The following MALRD1 variants were observed in gnomAD, a reference collection of about 807,000 sequenced individuals.
MALRD1 encodes MAM and LDL-receptor class A domain-containing protein 1.
Under a neutral mutation model 242.1 loss-of-function variants are expected in MALRD1, and 247 were observed. The ratio of observed to expected loss-of-function variants is 1.02; its 90% CI spans 0.92 to 1.13. The LOEUF is 1.13. Among genes scored for constraint, MALRD1 ranks in the 50% most tolerant of loss-of-function variants. MALRD1 has a pLI of 0.00. For synonymous variants in MALRD1, 995 were observed against 866.6 expected, an observed-to-expected ratio of 1.15 and a Z score of -2.60; for missense variants, 2,989 against 2,533.1, an observed-to-expected ratio of 1.18 and a Z score of -3.86.
chr10:19,570,199 A>G (rs563067217), intron 33 of MALRD1, among the ~76,000 whole-genome samples: 55 of 152,144 alleles, frequency 3.6e-4, no homozygotes, highest in African/African-American at 1.3e-3. Flanking sequence ...TCCAAAATCC[A>G]GAGTCTTAAG....
intron 38 of MALRD1, among the ~76,000 whole-genome samples, chr10:19,723,321 C>T (rs889592130): frequency 3.3e-5 from 5 of 152,108 alleles, no homozygotes; most frequent in Non-Finnish European, 5.9e-5. Context: ...TTCATACTTT[C>T]GAGTGGACAG....
intron 28 of MALRD1, among the ~76,000 whole-genome samples, chr10:19,447,504 A>G (rs1417445180): frequency 6.6e-6 from 1 of 152,134 alleles, no homozygotes; most frequent in East Asian, 1.9e-4. Context: ...TTTTTTTACT[A>G]GAAGACAAGT....
chr10:19,609,224 A>G (rs554157607), intron 35 of MALRD1, among the ~76,000 whole-genome samples: 90 of 152,186 alleles, frequency 5.9e-4, no homozygotes, highest in Non-Finnish European at 9.6e-4. Context: ...CTCACCAGTC[A>G]TGTTTACAGT....
At chr10:19,105,092 A>G (rs1469752988) in intron 5 of MALRD1, among the ~76,000 whole-genome samples, 2 of 151,984 alleles carry the variant, frequency 1.3e-5, no homozygotes, top group Non-Finnish European at 2.9e-5. Flanking sequence ...ATACTGTGTA[A>G]TAGAAAACCA....
chr10:19,574,666 A>G (rs1836719836), intron 33 of MALRD1, among the ~76,000 whole-genome samples: 1 of 151,848 alleles, frequency 6.6e-6, no homozygotes, highest in Non-Finnish European at 1.5e-5. Context: ...AATCATTTAA[A>G]CTCTCTAGAC....
In MALRD1 at chr10:19,258,767, C is replaced by T. The variant is rs11812272; in HGVS notation, c.3079+996C>T. 8.9e-3 allele frequency among the ~76,000 whole-genome samples: 1,355 copies of T among 152,170 alleles called. 24 individuals are homozygous for T. The highest frequency in any genetic ancestry group is 0.031 in the African/African-American group (1,291 of 41,506). On this transcript the variant is annotated intron_variant, in intron 19 of 39. Transcript: ENST00000454679. The stretch of plus-strand genomic sequence containing the variant: ...TCTGGAGACAGCTGAATCCCTCTCT[C>T]GAAGGCTAGTAAAACAAGAGGCAGA...
intron 18 of MALRD1, among the ~76,000 whole-genome samples, chr10:19,253,227 C>T (rs1839370456): frequency 6.6e-6 from 1 of 151,740 alleles, no homozygotes; most frequent in African/African-American, 2.4e-5. Flanking sequence ...AAGTGGATAG[C>T]AACAGAAAAT....
chr10:19,482,340 A>C (rs1264994248), intron 29 of MALRD1, among the ~76,000 whole-genome samples: 3 of 152,076 alleles, frequency 2.0e-5, no homozygotes, highest in Non-Finnish European at 4.4e-5. Context: ...AAGATAGATG[A>C]CAAGGAAAAT....
chr10:19,403,018 CATTT>C (rs572271132), intron 28 of MALRD1, among the ~76,000 whole-genome samples: 110 of 151,940 alleles, frequency 7.2e-4, no homozygotes, highest in Middle Eastern at 6.8e-3. Flanking sequence ...AAAAATAAGA[CATTT>C]ATAGTGCTTA....
chr10:19,645,898 A>G (rs1240010447), intron 36 of MALRD1, among the ~76,000 whole-genome samples: 1 of 152,120 alleles, frequency 6.6e-6, no homozygotes, highest in Non-Finnish European at 1.5e-5. Flanking sequence ...AAAGAAATGG[A>G]TAGGAGTCAA....
chr10:19,130,893 C>G (rs1426952702), intron 8 of MALRD1, among the ~76,000 whole-genome samples: 1 of 151,968 alleles, frequency 6.6e-6, no homozygotes, highest in Non-Finnish European at 1.5e-5. Flanking sequence ...ATCATTAACT[C>G]TATTAATCAG....
Position 19,734,276 on chromosome 10 carries a change from C to T in MALRD1, c.*39C>T, listed in dbSNP as rs1564578967. ...AAGTCTGATCCAACATGTGTAGTTT[C>T]TAGAAAATTGAAGTCTCCACAATCT... is the stretch of plus-strand genomic sequence containing the variant. On this transcript the variant is annotated 3_prime_UTR_variant, in exon 40 of 40. Coordinates refer to ENST00000454679, the MANE Select transcript of MALRD1 (RefSeq NM_001142308.3). 2.0e-6 allele frequency: 3 copies of T among 1,492,606 alleles called. No individual in the cohort carries two copies. The highest frequency in any genetic ancestry group is 2.7e-6 in the Non-Finnish European group (3 of 1,109,192). The allele number at this position is 1,492,606 out of a possible 1,614,324, so 92.5% of individuals were successfully genotyped here.
At chr10:19,655,410 AATGTAATT>A (rs527389375) in intron 36 of MALRD1, among the ~76,000 whole-genome samples, 8 of 151,470 alleles carry the variant, frequency 5.3e-5, no homozygotes, top group African/African-American at 1.9e-4. Context: ...TACTTTCTTC[AATGTAATT>A]ATTGTTGATT....
At chr10:19,058,167 G>A (rs1446655849) in intron 1 of MALRD1, among the ~76,000 whole-genome samples, 2 of 152,120 alleles carry the variant, frequency 1.3e-5, no homozygotes, top group Admixed American at 1.3e-4. Flanking sequence ...GCTTAGACTA[G>A]GTAAAAGAAA....
Position 19,176,952 on chromosome 10 carries a change from C to CT in MALRD1, c.1951+1624_1951+1625insT, listed in dbSNP as rs377328468. 8.4e-3 allele frequency among the ~76,000 whole-genome samples: 1,281 copies of CT among 151,946 alleles called. 22 individuals carry two copies. Among genetic ancestry groups the CT allele is most frequent in the African/African-American group, 0.03 (1,227 of 41,426 alleles). Reference sequence around the variant, plus strand: ...TGATTCTGATAGACACCGAGGAGTGCAGAGCAGCAGATTTAAGGATTCATT... The same window carrying CT: ...TGATTCTGATAGACACCGAGGAGTGCTAGAGCAGCAGATTTAAGGATTCATT... On this transcript the variant is annotated intron_variant, in intron 14 of 39. Coordinates refer to ENST00000454679, the MANE Select transcript of MALRD1 (RefSeq NM_001142308.3).
In MALRD1 at chr10:19,271,795, A is replaced by T. The variant is rs367670559; in HGVS notation, c.3080-8252A>T. Among the ~76,000 whole-genome samples the T allele has an allele frequency of 3.3e-5, 5 of 152,292 alleles. No homozygotes were observed. The East Asian group carries it at 7.7e-4, about 23-fold the overall frequency. On this transcript the variant is annotated intron_variant, in intron 19 of 39. Coordinates refer to ENST00000454679, the MANE Select transcript of MALRD1 (RefSeq NM_001142308.3). ...TATAAAAGTTAACTCATTTAATCAC[A>T]TAACAACCTAATGAAATAGAAACTG... is the stretch of plus-strand genomic sequence containing the variant.
At chr10:19,325,139 A>G (rs1027180555) in intron 22 of MALRD1, among the ~76,000 whole-genome samples, 1 of 148,314 alleles carries the variant, frequency 6.7e-6, no homozygotes, top group African/African-American at 2.5e-5. Flanking sequence ...TCATCCCTCT[A>G]TTTGTTTGCT....
chr10:19,301,403 A>G (rs1053200260), intron 21 of MALRD1, among the ~76,000 whole-genome samples: 1 of 151,756 alleles, frequency 6.6e-6, no homozygotes, highest in Non-Finnish European at 1.5e-5. Context: ...ATAAAGACAC[A>G]TGCACTACAT....
intron 30 of MALRD1, among the ~76,000 whole-genome samples, chr10:19,497,225 T>G (rs932781999): frequency 6.6e-5 from 10 of 151,966 alleles, no homozygotes; most frequent in Admixed American, 2.6e-4. Context: ...ATTCTGAATT[T>G]TTACAGATGT....
Sources: gnomAD v4.1 joint callset for allele counts (sites outside exome capture counted in the v4.1 genomes callset) on GRCh38, gnomAD v4.1.1 for gene constraint, MANE v1.5 for transcripts, NCBI Gene and HGNC (gene_info 2026-07-23, HGNC 2026-07-21) for gene names.